ANK2: variants seen among roughly 807,000 people sequenced by gnomAD.
The protein encoded by ANK2 is ankyrin-2.
A neutral mutation model predicts 360.5 loss-of-function variants in ANK2; 83 were observed. That is an observed-to-expected ratio of 0.23 (90% CI 0.19 to 0.28). The LOEUF is 0.28. Among genes scored for constraint, ANK2 ranks in the 10% least tolerant of loss-of-function variants. ANK2 has a pLI of 1.00. For missense variants in ANK2, 4,201 were observed against 4,795.7 expected (o/e 0.88, Z 3.66); for synonymous variants, 1,740 against 1,759.5 (o/e 0.99, Z 0.28).
the ANK2 span, among the ~76,000 whole-genome samples, chr4:112,723,635 A>T: frequency 2.0e-5 from 3 of 152,152 alleles, no homozygotes; most frequent in Non-Finnish European, 4.4e-5. Flanking sequence ...AAGTGCTGGG[A>T]TTACAGGCAC....
At chr4:113,017,304 G>A (rs989615945) in intron 2 of ANK2, among the ~76,000 whole-genome samples, 4 of 151,440 alleles carry the variant, frequency 2.6e-5, no homozygotes, top group South Asian at 2.1e-4. Context: ...ACTCTGATTC[G>A]GCCACTTATC....
chr4:112,847,759 T>C (rs2149895081), intron 1 of ANK2, among the ~76,000 whole-genome samples: 1 of 152,340 alleles, frequency 6.6e-6, no homozygotes, highest in Non-Finnish European at 1.5e-5. Flanking sequence ...TGTATGGCAT[T>C]GTCCTTAGAG....
intron 2 of ANK2, among the ~76,000 whole-genome samples, chr4:112,984,622 G>A (rs2044237996): frequency 6.6e-6 from 1 of 152,164 alleles, no homozygotes; most frequent in Non-Finnish European, 1.5e-5. Context: ...GTAGAGATCT[G>A]AGCCATAATT....
rs144287556 is a variant in ANK2, at chr4:113,294,622, C to T, written c.2475+1084C>T. ...AAGTGATGGAATACAGTTGGTTTAA[C>T]GTGCAGTTTTAAGCAGAGTGGCCTA... On this transcript the variant is annotated intron_variant, in intron 22 of 45. Coordinates refer to ENST00000357077, the MANE Select transcript of ANK2 (RefSeq NM_001148.6). Among the ~76,000 whole-genome samples the T allele has an allele frequency of 2.2e-4, 34 of 152,290 alleles. No homozygotes were observed. In the East Asian group the frequency reaches 2.3e-3, roughly 10 times the overall value.
chr4:112,836,234 T>C (rs1263798659), intron 1 of ANK2, among the ~76,000 whole-genome samples: 1 of 152,152 alleles, frequency 6.6e-6, no homozygotes, highest in Non-Finnish European at 1.5e-5. Context: ...ACTTCCTCGC[T>C]CTCTCTCCCT....
At chr4:112,970,675 A>G (rs934656807) in intron 2 of ANK2, among the ~76,000 whole-genome samples, 5 of 152,184 alleles carry the variant, frequency 3.3e-5, no homozygotes, top group African/African-American at 9.7e-5. Flanking sequence ...ATATACACAT[A>G]TATATCTATA....
At chr4:112,775,504 G>A in the ANK2 span, among the ~76,000 whole-genome samples, 4 of 25,304 alleles carry the variant, frequency 1.6e-4, no homozygotes, top group Admixed American at 3.5e-4. Context: ...GGGTGACAGA[G>A]CTAAGCTCCA....
intron 37 of ANK2, among the ~76,000 whole-genome samples, chr4:113,352,413 G>A (rs973466117): frequency 1.3e-5 from 2 of 152,150 alleles, no homozygotes; most frequent in Non-Finnish European, 2.9e-5. Flanking sequence ...TCATTGTTAG[G>A]TGTGAATTTC....
intron 37 of ANK2, 93 bp downstream of exon 37, chr4:113,350,342 A>C: frequency 5.9e-6 from 6 of 1,009,050 alleles, no homozygotes; most frequent in Non-Finnish European, 7.5e-6. Flanking sequence ...ATTACTAACC[A>C]CTATAGTAAT....
At chr4:112,725,547 A>T in the ANK2 span, among the ~76,000 whole-genome samples, 2 of 151,602 alleles carry the variant, frequency 1.3e-5, no homozygotes, top group Non-Finnish European at 2.9e-5. Context: ...TTTAGTAGAA[A>T]CAGGGTTTCA....
intron 2 of ANK2, among the ~76,000 whole-genome samples, chr4:112,957,749 C>A (rs1176110827): frequency 2.0e-5 from 3 of 151,950 alleles, no homozygotes; most frequent in Non-Finnish European, 2.9e-5. Flanking sequence ...ACGCTCCTCA[C>A]TTCCCAGACG....
intron 4 of ANK2, among the ~76,000 whole-genome samples, chr4:113,227,662 G>A (rs1260376471): frequency 6.6e-6 from 1 of 152,086 alleles, no homozygotes; most frequent in Non-Finnish European, 1.5e-5. Context: ...ACAGGATGGA[G>A]TCCTAATACC....
At chr4:113,369,849 T>A (rs2154067735) in intron 43 of ANK2, 44 bp downstream of exon 43, 2 of 1,612,458 alleles carry the variant, frequency 1.2e-6, no homozygotes, top group Non-Finnish European at 1.7e-6. Flanking sequence ...GTAACAAAGC[T>A]ACAAATCTTC....
intron 29 of ANK2, among the ~76,000 whole-genome samples, chr4:113,334,449 T>C (rs983487630): frequency 9.9e-5 from 15 of 152,148 alleles, no homozygotes; most frequent in Non-Finnish European, 1.8e-4. Flanking sequence ...ATTGGTATCT[T>C]GCCCTTGGAT....
At chr4:112,883,018 C>CTTTTTTTTTTTTTTTTTTTTTT (rs536262490) in intron 1 of ANK2, among the ~76,000 whole-genome samples, 1 of 30,526 alleles carries the variant, frequency 3.3e-5, no homozygotes, top group Non-Finnish European at 6.4e-5. Context: ...CTTGGTTAGT[C>CTTTTTTTTTTTTTTTTTTTTTT]TTTTTTTTTT....
chr4:113,268,463 G>A (rs1365393294), intron 14 of ANK2, among the ~76,000 whole-genome samples: 2 of 152,042 alleles, frequency 1.3e-5, no homozygotes, highest in African/African-American at 4.8e-5. Context: ...AGCATGAAGG[G>A]GTGTTGAATT....
chr4:112,727,462 AT>A, the ANK2 span, among the ~76,000 whole-genome samples: 1 of 151,900 alleles, frequency 6.6e-6, no homozygotes, highest in Non-Finnish European at 1.5e-5. Context: ...AAGGAAGGAA[AT>A]TTATTATTTT....
chr4:112,826,541 AC>A, intron 1 of ANK2: 1 of 1,417,204 alleles, frequency 7.1e-7, no homozygotes, highest in Non-Finnish European at 9.8e-7. Flanking sequence ...TGCAAATCAA[AC>A]TTGCCCAGCC....
intron 2 of ANK2, among the ~76,000 whole-genome samples, chr4:113,192,891 T>G (rs553456483): frequency 5.3e-5 from 8 of 149,958 alleles, no homozygotes; most frequent in Non-Finnish European, 5.9e-5. Context: ...CCATATTCAG[T>G]GTCATTCTCT....
Sources: allele counts gnomAD v4.1 joint callset (sites outside exome capture counted in the v4.1 genomes callset), GRCh38; gene constraint gnomAD v4.1.1; transcripts MANE v1.5; gene names NCBI Gene and HGNC (gene_info 2026-07-23, HGNC 2026-07-21).